Variants in SLC12A1 observed in about 807,000 individuals in gnomAD.
SLC12A1 encodes solute carrier family 12 member 1.
Under a neutral mutation model 130.4 loss-of-function variants are expected in SLC12A1, and 89 were observed. That is an observed-to-expected ratio of 0.68 (90% CI 0.58 to 0.81). The LOEUF (loss-of-function observed/expected upper bound fraction) is 0.81. Ranked by LOEUF, SLC12A1 falls within the 40% of genes least tolerant of loss-of-function variation. The pLI is 0.00. For missense variants in SLC12A1, 1,310 were observed against 1,336.4 expected, an observed-to-expected ratio of 0.98 and a Z score of 0.31; for synonymous variants, 499 against 460.0, an observed-to-expected ratio of 1.08 and a Z score of -1.09.
At chr15:48,229,459 C>T (rs1482462300) in intron 6 of SLC12A1, 131 bp downstream of exon 6, 5 of 870,720 alleles carry the variant, frequency 5.7e-6, no homozygotes, top group South Asian at 2.0e-5. Context: ...GGAGCCTGGG[C>T]TTGGCATCAG....
At chr15:48,267,429 G>A in intron 17 of SLC12A1, 132 bp from the exon 18 acceptor site, 1 of 923,512 alleles carries the variant, frequency 1.1e-6, no homozygotes, top group Admixed American at 2.5e-5. Flanking sequence ...ACCCTGTTCA[G>A]TGAGGTGTTT....
chr15:48,227,320 A>G, intron 5 of SLC12A1: 2 of 639,834 alleles, frequency 3.1e-6, no homozygotes, highest in Non-Finnish European at 2.7e-6. Flanking sequence ...AGCAAAGCAA[A>G]ATTTTTCTCA....
chr15:48,237,900 G>A (rs916232169), intron 9 of SLC12A1, among the ~76,000 whole-genome samples: 1 of 152,176 alleles, frequency 6.6e-6, no homozygotes, highest in African/African-American at 2.4e-5. Flanking sequence ...AAGACTGGAG[G>A]CAGAAAGATC....
At chr15:48,244,683 C>A in intron 10 of SLC12A1, 70 bp from the exon 11 acceptor site, 1 of 1,483,620 alleles carries the variant, frequency 6.7e-7, no homozygotes, top group Non-Finnish European at 9.3e-7. Flanking sequence ...AAGTAAACTA[C>A]GTTTTCAGTA....
intron 6 of SLC12A1, 46 bp from the exon 7 acceptor site, chr15:48,230,347 A>G (rs375403580): frequency 8.5e-7 from 1 of 1,176,094 alleles, no homozygotes; most frequent in South Asian, 1.3e-5. Flanking sequence ...TAAGACTCAC[A>G]TGCAAAAAGC....
intron 17 of SLC12A1, among the ~76,000 whole-genome samples, chr15:48,263,643 AAG>A (rs1422827306): frequency 6.6e-6 from 1 of 152,078 alleles, no homozygotes; most frequent in Non-Finnish European, 1.5e-5. Context: ...TGCCTAAAAA[AAG>A]AAAAAAAATT....
Position 48,272,418 on chromosome 15 carries a change from T to TTTTG in SLC12A1, c.2403-2133_2403-2130dup, listed in dbSNP as rs57354501. 8.2e-3 allele frequency among the ~76,000 whole-genome samples: 1,236 copies of TTTTG among 151,588 alleles called. 16 individuals carry two copies. The highest frequency in any genetic ancestry group is 0.048 in the Middle Eastern group (14 of 294). On this transcript the variant is annotated intron_variant, in intron 19 of 26. Coordinates refer to ENST00000380993, the MANE Select transcript of SLC12A1 (RefSeq NM_000338.3). ...TAATATTCTTAAGTATGGTTTAGTT[T>TTTTG]TTTGTTTGTTTGTTTGTTTGTTTTT...
intron 2 of SLC12A1, among the ~76,000 whole-genome samples, chr15:48,218,303 GA>G (rs1288122641): frequency 6.6e-6 from 1 of 152,082 alleles, no homozygotes; most frequent in East Asian, 1.9e-4. Flanking sequence ...ATAGTATCAT[GA>G]ACAAGGTCTC....
chr15:48,248,770 C>A (rs924343129), intron 13 of SLC12A1, among the ~76,000 whole-genome samples: 4 of 152,200 alleles, frequency 2.6e-5, no homozygotes, highest in African/African-American at 9.7e-5. Flanking sequence ...GGGCCAGGCA[C>A]GGTGGCTTAC....
intron 17 of SLC12A1, among the ~76,000 whole-genome samples, chr15:48,264,455 A>T (rs369943039): frequency 6.6e-6 from 1 of 152,136 alleles, no homozygotes; most frequent in African/African-American, 2.4e-5. Flanking sequence ...TTCTTCTTCT[A>T]TCTTTCAGCC....
intron 8 of SLC12A1, among the ~76,000 whole-genome samples, chr15:48,233,564 T>C (rs1366500645): frequency 6.6e-6 from 1 of 152,204 alleles, no homozygotes; most frequent in Non-Finnish European, 1.5e-5. Flanking sequence ...AGCATGAAAT[T>C]TGACTTCTTT....
intron 19 of SLC12A1, among the ~76,000 whole-genome samples, chr15:48,270,307 A>T (rs149639348): frequency 6.6e-6 from 1 of 152,300 alleles, no homozygotes; most frequent in African/African-American, 2.4e-5. Context: ...GAGGAGACTT[A>T]GGATGTAAGT....
At position 48,210,913 on chromosome 15, in the gene SLC12A1, G is replaced by T. The variant is rs574793484; in HGVS notation, c.420+2774G>T. 2.0e-5 allele frequency among the ~76,000 whole-genome samples: 3 copies of T among 151,934 alleles called. No homozygotes were observed. The South Asian group carries it at 6.2e-4, about 32-fold the overall frequency. On this transcript the variant is annotated intron_variant, in intron 2 of 26. Coordinates refer to ENST00000380993, the MANE Select transcript of SLC12A1 (RefSeq NM_000338.3). ...ATCTAAATGACCACACAGTAGGAAT[G>T]TTATAGCTGCATTAGATAAATGTAA... is the stretch of plus-strand genomic sequence containing the variant.
chr15:48,215,321 G>A (rs1176216171), intron 2 of SLC12A1, among the ~76,000 whole-genome samples: 3 of 152,122 alleles, frequency 2.0e-5, no homozygotes, highest in South Asian at 2.1e-4. Flanking sequence ...CTGTTATCAA[G>A]TGGTCTTCCT....
chr15:48,264,626 T>C (rs2041811895), intron 17 of SLC12A1, among the ~76,000 whole-genome samples: 1 of 152,160 alleles, frequency 6.6e-6, no homozygotes, highest in South Asian at 2.1e-4. Context: ...CACTAGCATG[T>C]ATGGTAAGAT....
chr15:48,291,957 T>C, intron 24 of SLC12A1, 93 bp downstream of exon 24: 1 of 813,682 alleles, frequency 1.2e-6, no homozygotes, highest in Non-Finnish European at 2.0e-6. Flanking sequence ...GTTATGTATT[T>C]ACTGCAGCGA....
At chr15:48,253,476 A>G (rs1264614370) in intron 15 of SLC12A1, among the ~76,000 whole-genome samples, 2 of 152,260 alleles carry the variant, frequency 1.3e-5, no homozygotes, top group Non-Finnish European at 2.9e-5. Flanking sequence ...TTCACTTAGC[A>G]GAATGCTTTT....
In SLC12A1 at chr15:48,232,767, C is replaced by A. The variant is rs2041396435; in HGVS notation, c.1016C>A (p.Ala339Glu). The A allele has an allele frequency of 6.2e-7, 1 of 1,613,244 alleles. No homozygotes were observed. The highest frequency in any genetic ancestry group is 8.5e-7 in the Non-Finnish European group (1 of 1,179,324). Residue 339 changes from alanine to glutamate, a missense_variant, in exon 8 of 27, where the codon GCA becomes GAA. Coordinates refer to ENST00000380993, the MANE Select transcript of SLC12A1 (RefSeq NM_000338.3). ...ILLVILLIAI[A>E]NFFIGTVIPS... ...CTGGTCATTCTTCTAATTGCTATTG[C>A]AAACTTCTTCATTGGAACTGTCATT...
intron 14 of SLC12A1, among the ~76,000 whole-genome samples, chr15:48,249,893 A>G (rs995856473): frequency 2.6e-5 from 4 of 152,208 alleles, no homozygotes; most frequent in Admixed American, 2.6e-4. Context: ...CCAGAAAGTC[A>G]ATTTTCTCCT....
Sources: gnomAD v4.1 joint callset for allele counts (sites outside exome capture counted in the v4.1 genomes callset) on GRCh38, gnomAD v4.1.1 for gene constraint, MANE v1.5 for transcripts, NCBI Gene and HGNC (gene_info 2026-07-23, HGNC 2026-07-21) for gene names.